Variants in MMP17 observed in about 807,000 individuals in gnomAD.
MMP17 encodes matrix metallopeptidase 17, also known as matrix metalloproteinase-17.
In MMP17, 54 loss-of-function variants were observed where a neutral mutation model predicts 49.1. That is an observed-to-expected ratio of 1.10 (90% CI 0.88 to 1.38). MMP17 has a LOEUF of 1.38. Among genes scored for constraint, MMP17 ranks in the 40% most tolerant of loss-of-function variants. The pLI is 0.00. For synonymous variants in MMP17, 397 were observed against 383.1 expected, an observed-to-expected ratio of 1.04 and a Z score of -0.42; for missense variants, 837 against 853.7, an observed-to-expected ratio of 0.98 and a Z score of 0.24.
At chr12:131,842,907 C>T (rs1412780901) in intron 5 of MMP17, among the ~76,000 whole-genome samples, 2 of 152,296 alleles carry the variant, frequency 1.3e-5, no homozygotes, top group African/African-American at 4.8e-5. Flanking sequence ...GAAGGAGACC[C>T]GACGCCCATC....
chr12:131,842,145 A>G (rs1887448987), intron 5 of MMP17, among the ~76,000 whole-genome samples: 1 of 152,208 alleles, frequency 6.6e-6, no homozygotes, highest in South Asian at 2.1e-4. Flanking sequence ...CAGATGAGAA[A>G]ACTGAGGCAC....
At chr12:131,840,998 T>C (rs895476591) in intron 4 of MMP17, 142 bp downstream of exon 4, 2 of 1,100,266 alleles carry the variant, frequency 1.8e-6, no homozygotes, top group African/African-American at 3.2e-5. Context: ...CATTTCCCAC[T>C]AGGCCGATCT....
At chr12:131,840,480 A>AC in intron 3 of MMP17, 93 bp from the exon 4 acceptor site, 2 of 1,367,556 alleles carry the variant, frequency 1.5e-6, no homozygotes. Context: ...TCATAGGGGC[A>AC]CCCCCGGGCT....
At chr12:131,850,135 C>A in intron 9 of MMP17, 76 bp downstream of exon 9, 1 of 1,473,548 alleles carries the variant, frequency 6.8e-7, no homozygotes, top group African/African-American at 1.4e-5. Flanking sequence ...ACAGGGCAGC[C>A]AAGAGGTTCC....
At position 131,840,614 on chromosome 12, in the gene MMP17, C is replaced by G. The variant is rs376422502; in HGVS notation, c.464C>G (p.Thr155Arg). The change falls in exon 4 of 10, where the codon ACG (threonine) becomes AGG (arginine). Residue 155 changes from threonine (T) to arginine (R), a missense_variant. Physicochemically the swap from Thr to Arg is moderately conservative, Grantham distance 71. Transcript: ENST00000360564. ...CGGGACTCACCACTGGGGCACGACA[C>G]GGTGCGTGCACTCATGTACTACGCC... is the stretch of plus-strand genomic sequence containing the variant. Reference protein sequence around the residue: ...FPRDSPLGHDTVRALMYYALK... With the variant: ...FPRDSPLGHDRVRALMYYALK... The G allele has an allele frequency of 1.3e-5, 21 of 1,604,202 alleles. No homozygotes were observed. Among genetic ancestry groups the G allele is most frequent in the Admixed American group, 5.0e-5 (3 of 59,906 alleles).
At chr12:131,831,792 G>C (rs1470955199) in intron 1 of MMP17, among the ~76,000 whole-genome samples, 1 of 122,878 alleles carries the variant, frequency 8.1e-6, no homozygotes, top group Non-Finnish European at 1.7e-5. Flanking sequence ...GCTTCCGATG[G>C]TTCAGGGACA....
At chr12:131,844,601 C>T in intron 6 of MMP17, 1 of 217,678 alleles carries the variant, frequency 4.6e-6, no homozygotes, top group Non-Finnish European at 9.2e-6. Context: ...AAGCTGTGAC[C>T]TTGTGCCACC....
Position 131,844,036 on chromosome 12 carries a change from A to T in MMP17, c.923A>T (p.Glu308Val). The T allele has an allele frequency of 6.4e-7, 1 of 1,570,756 alleles. No individual in the cohort carries two copies. The highest frequency in any genetic ancestry group is 8.6e-7 in the Non-Finnish European group (1 of 1,160,266). The change falls in exon 6 of 10, where the codon GAG becomes GTG. Residue 308 changes from glutamate (E) to valine (V), a missense_variant. By Grantham distance (121) the Glu-to-Val change is moderately radical (BLOSUM62 -2). Coordinates refer to ENST00000360564, the MANE Select transcript of MMP17 (RefSeq NM_016155.7). ...GTGTCTCCCACGGCGCAGCCCGAGG[A>T]GCCTCCCCTGCTGCCGGAGCCCCCA... ...ESVSPTAQPE[E>V]PPLLPEPPDN...
chr12:131,850,418 C>A (rs1049705936), intron 9 of MMP17, among the ~76,000 whole-genome samples: 1 of 152,214 alleles, frequency 6.6e-6, no homozygotes, highest in African/African-American at 2.4e-5. Context: ...CTGCCAAACG[C>A]CCTCCTGGGC....
Position 131,828,413 on chromosome 12 carries a change from G to GAGAGCGGAGGGCGCCGGGCTGCGGAACGC in MMP17, c.-81_-53dup. 1.2e-6 allele frequency: 1 copy of GAGAGCGGAGGGCGCCGGGCTGCGGAACGC among 820,062 alleles called. No individual in the cohort carries two copies. The highest frequency in any genetic ancestry group is 1.5e-6 in the Non-Finnish European group (1 of 678,832). 50.8% of individuals were successfully genotyped at this position (820,062 alleles called of 1,614,324 possible). On this transcript the variant is annotated 5_prime_UTR_variant, in exon 1 of 10. Coordinates refer to ENST00000360564, the MANE Select transcript of MMP17 (RefSeq NM_016155.7). The stretch of plus-strand genomic sequence containing the variant: ...GGCTCAGTCCGGCGGGGGCGCCGCG[G>GAGAGCGGAGGGCGCCGGGCTGCGGAACGC]AGAGCGGAGGGCGCCGGGCTGCGGA...
At chr12:131,842,409 C>T (rs559736330) in intron 5 of MMP17, among the ~76,000 whole-genome samples, 2 of 152,224 alleles carry the variant, frequency 1.3e-5, no homozygotes, top group Non-Finnish European at 1.5e-5. Flanking sequence ...GCCTCAGCAT[C>T]GTCCTTGCCG....
At chr12:131,844,892 C>A in intron 6 of MMP17, 2 of 560,402 alleles carry the variant, frequency 3.6e-6, no homozygotes, top group Non-Finnish European at 6.4e-6. Flanking sequence ...CCCCGCAGCT[C>A]CCTGGCGCTC....
chr12:131,841,826 C>T, intron 5 of MMP17, 26 bp downstream of exon 5: 1 of 1,540,652 alleles, frequency 6.5e-7, no homozygotes, highest in Non-Finnish European at 8.7e-7. Flanking sequence ...AAGCCAGACA[C>T]AGGGCCCCTG....
rs1887579763 is a variant in MMP17 at position 131,844,309 on chromosome 12, C to T, written c.968+228C>T. On this transcript the variant is annotated intron_variant, in intron 6 of 9. Coordinates refer to ENST00000360564, the MANE Select transcript of MMP17 (RefSeq NM_016155.7). ...AGAACTTCAGACAAGGTTTCCTCTC[C>T]CCCTCGTCCCTGTCAGCTACTGCCA... The T allele has an allele frequency of 7.4e-6, 4 of 541,754 alleles. No individual in the cohort carries two copies. In the East Asian group the frequency reaches 1.4e-4, roughly 18 times the overall value. The allele number at this position is 541,754 out of a possible 1,614,324, so 33.6% of individuals were successfully genotyped here.
rs1436486629 is a variant in MMP17 at position 131,851,247 on chromosome 12, G to A, written c.1785G>A (p.Trp595Ter). ...CGCCACTGTCACCAGGCGCCCTGTGGACAGCGGCCCAGGCCCTGACGCTAT... is the reference window on the plus strand; with the variant it reads ...CGCCACTGTCACCAGGCGCCCTGTGAACAGCGGCCCAGGCCCTGACGCTAT... ...LLPPLSPGAL[W>*]TAAQALTL The change falls in exon 10 of 10, where the codon TGG (tryptophan) becomes TGA (stop). Residue 595 changes from tryptophan to a stop codon, truncating the protein, a stop_gained. Transcript: ENST00000360564. LOFTEE classifies it high-confidence loss of function. 3 of 1,445,528 alleles carry A rather than the reference G, an allele frequency of 2.1e-6. No individual in the cohort carries two copies. Among genetic ancestry groups the A allele is most frequent in the Non-Finnish European group, 2.7e-6 (3 of 1,096,516 alleles). The allele number at this position is 1,445,528 out of a possible 1,614,324, so 89.5% of individuals were successfully genotyped here.
Position 131,838,752 on chromosome 12 carries a change from G to A in MMP17, c.422+11G>A, listed in dbSNP as rs755229324. 1.3e-5 allele frequency: 20 copies of A among 1,540,902 alleles called. No homozygotes were observed. The African/African-American group carries it at 2.5e-4, about 19-fold the overall frequency. On this transcript the variant is annotated intron_variant, in intron 3 of 9. Transcript: ENST00000360564. Reference sequence around the variant, plus strand: ...GAACCTGTCGTGGAGGTGGGTGTGTGGCCAGGGTGAGGAGCGGGGCCTCCG... The same window carrying A: ...GAACCTGTCGTGGAGGTGGGTGTGTAGCCAGGGTGAGGAGCGGGGCCTCCG...
At position 131,849,851 on chromosome 12, in the gene MMP17, G is replaced by A. The variant is rs147503559; in HGVS notation, c.1254G>A (p.Pro418=). The A allele has an allele frequency of 1.5e-5, 24 of 1,613,836 alleles. No individual in the cohort carries two copies. Among genetic ancestry groups the A allele is most frequent in the African/African-American group, 5.3e-5 (4 of 74,912 alleles). The change falls in exon 9 of 10, where the codon CCG becomes CCA. Residue 418 remains proline (P), a synonymous_variant. Coordinates refer to ENST00000360564, the MANE Select transcript of MMP17 (RefSeq NM_016155.7). The part of the protein sequence containing the change: ...FKDNNVEEGY[P]RPVSDFSLPP... ...ACAATAACGTAGAGGAAGGATACCC[G>A]CGCCCCGTCTCCGACTTCAGCCTCC...
intron 8 of MMP17, among the ~76,000 whole-genome samples, chr12:131,847,221 G>C (rs1186540621): frequency 1.3e-5 from 2 of 151,956 alleles, no homozygotes; most frequent in Admixed American, 6.6e-5. Context: ...GACCATCCTG[G>C]TTAACACGGT....
intron 6 of MMP17, chr12:131,844,714 CCCT>C: frequency 3.9e-6 from 1 of 256,344 alleles, no homozygotes; most frequent in Non-Finnish European, 7.7e-6. Context: ...TGCACCTTGT[CCCT>C]GACCTTCTGT....
Sources: allele counts gnomAD v4.1 joint callset (sites outside exome capture counted in the v4.1 genomes callset), GRCh38; gene constraint gnomAD v4.1.1; transcripts MANE v1.5; gene names NCBI Gene and HGNC (gene_info 2026-07-23, HGNC 2026-07-21).